LHFPL3: variants seen among roughly 807,000 people sequenced by gnomAD.
LHFPL3 encodes the protein LHFPL tetraspan subfamily member 3.
A neutral mutation model predicts 19.3 loss-of-function variants in LHFPL3; 5 were observed. That is an observed-to-expected ratio of 0.26 (90% CI 0.14 to 0.54). The LOEUF is 0.54. Ranked by LOEUF, LHFPL3 falls within the 20% of genes least tolerant of loss-of-function variation. The pLI, the probability that LHFPL3 is intolerant of heterozygous loss-of-function variation, is 0.94. For synonymous variants in LHFPL3, 133 were observed against 126.2 expected (o/e 1.05, Z -0.36); for missense variants, 249 against 307.4 (o/e 0.81, Z 1.42).
At chr7:104,836,778 A>G (rs1791104663) in intron 2 of LHFPL3, among the ~76,000 whole-genome samples, 1 of 152,210 alleles carries the variant, frequency 6.6e-6, no homozygotes, top group African/African-American at 2.4e-5. Flanking sequence ...TGGGGTGTAC[A>G]ACAAACTGGA....
At chr7:104,840,043 TAATC>T (rs1468585443) in intron 2 of LHFPL3, among the ~76,000 whole-genome samples, 1 of 151,890 alleles carries the variant, frequency 6.6e-6, no homozygotes, top group African/African-American at 2.4e-5. Flanking sequence ...TTGACAATTA[TAATC>T]AATAATTATT....
chr7:104,589,281 G>C (rs893445389), intron 1 of LHFPL3, among the ~76,000 whole-genome samples: 24 of 152,102 alleles, frequency 1.6e-4, no homozygotes, highest in Non-Finnish European at 3.5e-4. Flanking sequence ...TTTGAGATAT[G>C]TTCCATCAAT....
intron 1 of LHFPL3, among the ~76,000 whole-genome samples, chr7:104,678,229 G>T (rs1792628607): frequency 6.6e-6 from 1 of 152,168 alleles, no homozygotes; most frequent in Admixed American, 6.5e-5. Context: ...TTGTTATAAA[G>T]TGTATAATTG....
chr7:104,462,551 G>A (rs553586353), intron 1 of LHFPL3, among the ~76,000 whole-genome samples: 15 of 152,198 alleles, frequency 9.9e-5, no homozygotes, highest in South Asian at 6.2e-4. Context: ...ATTGATTTGC[G>A]TTATGTTGAA....
At chr7:104,603,503 C>T (rs533589990) in intron 1 of LHFPL3, among the ~76,000 whole-genome samples, 1 of 152,256 alleles carries the variant, frequency 6.6e-6, no homozygotes, top group Middle Eastern at 3.4e-3. Flanking sequence ...CCAGTAGCCC[C>T]AAAAGTCTTA....
chr7:104,848,454 G>A (rs149962202), intron 2 of LHFPL3, among the ~76,000 whole-genome samples: 1 of 152,250 alleles, frequency 6.6e-6, no homozygotes, highest in Non-Finnish European at 1.5e-5. Flanking sequence ...AGAGTCACGA[G>A]CTCTTTGCCT....
intron 1 of LHFPL3, among the ~76,000 whole-genome samples, chr7:104,531,498 A>G (rs1794293929): frequency 6.6e-6 from 1 of 152,094 alleles, no homozygotes; most frequent in Non-Finnish European, 1.5e-5. Flanking sequence ...TTGAAATGAG[A>G]GTGACTTTTA....
chr7:104,685,452 A>T (rs1792786712), intron 1 of LHFPL3, among the ~76,000 whole-genome samples: 2 of 152,254 alleles, frequency 1.3e-5, no homozygotes, highest in Non-Finnish European at 1.5e-5. Context: ...ACACACACAC[A>T]CAGACACACA....
chr7:104,546,081 A>T (rs1794574409), intron 1 of LHFPL3, among the ~76,000 whole-genome samples: 1 of 152,190 alleles, frequency 6.6e-6, no homozygotes, highest in Non-Finnish European at 1.5e-5. Context: ...TCAGCAAACT[A>T]AATTTTTGTC....
At chr7:104,552,272 C>G (rs10480656) in intron 1 of LHFPL3, among the ~76,000 whole-genome samples, 54,978 of 152,040 alleles carry the variant, frequency 0.36, 11,319 homozygotes, top group African/African-American at 0.57. Context: ...GCAAGACCAA[C>G]GCCTAGTGAC....
At chr7:104,464,658 A>G (rs529905565) in intron 1 of LHFPL3, among the ~76,000 whole-genome samples, 29 of 152,336 alleles carry the variant, frequency 1.9e-4, no homozygotes, top group African/African-American at 6.7e-4. Flanking sequence ...CTCTGAAGCA[A>G]TGGTTGAGCT....
chr7:104,443,867 C>A (rs1174522632), intron 1 of LHFPL3, among the ~76,000 whole-genome samples: 2 of 152,218 alleles, frequency 1.3e-5, no homozygotes, highest in African/African-American at 4.8e-5. Flanking sequence ...TGAAGAGGAG[C>A]ATGCAGAGGA....
intron 1 of LHFPL3, among the ~76,000 whole-genome samples, chr7:104,467,459 T>G (rs2115599743): frequency 6.6e-6 from 1 of 152,308 alleles, no homozygotes; most frequent in East Asian, 1.9e-4. Context: ...AGATATGGTT[T>G]GGGAATGTAG....
At chr7:104,695,123 A>T (rs1191618609) in intron 1 of LHFPL3, among the ~76,000 whole-genome samples, 1 of 110,734 alleles carries the variant, frequency 9.0e-6, no homozygotes, top group East Asian at 3.0e-4. Flanking sequence ...CTTTCAATTA[A>T]TTTTTTTTTT....
rs950286390 is a variant in LHFPL3 at position 104,407,263 on chromosome 7, G to A, written c.445+78039G>A. The stretch of plus-strand genomic sequence containing the variant: ...GTCTTTAACTATTTTTAAATTTGGA[G>A]GAGATAAGAACAAAAATAGTTTTAA... On this transcript the variant is annotated intron_variant, in intron 1 of 2. Transcript: ENST00000424859. Among the ~76,000 whole-genome samples, 10 of 152,200 alleles carry A rather than the reference G, an allele frequency of 6.6e-5. No individual in the cohort carries two copies. The East Asian group carries it at 1.9e-3, about 29-fold the overall frequency.
chr7:104,342,709 A>G (rs1345421234), intron 1 of LHFPL3, among the ~76,000 whole-genome samples: 2 of 152,204 alleles, frequency 1.3e-5, no homozygotes, highest in Non-Finnish European at 2.9e-5. Flanking sequence ...TCTTATACTC[A>G]GAGAGCATTC....
In LHFPL3 at chr7:104,666,193, C is replaced by A. The variant is rs148326576; in HGVS notation, c.446-70482C>A. Among the ~76,000 whole-genome samples the A allele has an allele frequency of 6.6e-5, 10 of 152,230 alleles. No individual in the cohort carries two copies. The East Asian group carries it at 1.9e-3, about 29-fold the overall frequency. On this transcript the variant is annotated intron_variant, in intron 1 of 2. Transcript: ENST00000424859. ...TGTTGGGGAACATTTCAGTTCCTTT[C>A]TCATGGCTATCTTAAAATACATTAT...
chr7:104,372,109 C>T (rs115020669), intron 1 of LHFPL3, among the ~76,000 whole-genome samples: 72 of 152,322 alleles, frequency 4.7e-4, no homozygotes, highest in African/African-American at 1.7e-3. Flanking sequence ...TCATTAGAAA[C>T]AGTACAAATG....
intron 1 of LHFPL3, among the ~76,000 whole-genome samples, chr7:104,586,796 A>C (rs1204289958): frequency 1.3e-5 from 2 of 152,210 alleles, no homozygotes; most frequent in Non-Finnish European, 1.5e-5. Context: ...TACGCCACAC[A>C]AATGTTTTAT....
Sources: gnomAD v4.1 joint callset for allele counts (sites outside exome capture counted in the v4.1 genomes callset) on GRCh38, gnomAD v4.1.1 for gene constraint, MANE v1.5 for transcripts, NCBI Gene and HGNC (gene_info 2026-07-23, HGNC 2026-07-21) for gene names.